The following DOK6 variants were observed in gnomAD, a reference collection of about 807,000 sequenced individuals.
DOK6 encodes downstream of tyrosine kinase 6.
In DOK6, 22 loss-of-function variants were observed where a neutral mutation model predicts 44.0. The ratio of observed to expected loss-of-function variants is 0.50; its 90% confidence interval spans 0.36 to 0.71. The LOEUF is 0.71. DOK6 is among the 30% of genes least tolerant of loss of function. The pLI is 0.00. For missense variants in DOK6, 340 were observed against 416.4 expected, an observed-to-expected ratio of 0.82 and a Z score of 1.60; for synonymous variants, 166 against 145.5, an observed-to-expected ratio of 1.14 and a Z score of -1.01.
At chr18:69,612,428 CGCATGTGTGCGAG>C (rs1568311240) in intron 3 of DOK6, among the ~76,000 whole-genome samples, 1,708 of 150,664 alleles carry the variant, frequency 0.011, 34 homozygotes, top group South Asian at 0.034. Flanking sequence ...TGTGCGAGGG[CGCATGTGTGCGAG>C]GGCGCATGTG....
chr18:69,779,689 C>CGTGTGTGTGT (rs58775349), intron 7 of DOK6, among the ~76,000 whole-genome samples: 21 of 146,874 alleles, frequency 1.4e-4, no homozygotes, highest in South Asian at 2.2e-4. Flanking sequence ...CTCTCTGCCC[C>CGTGTGTGTGT]GTGTGTGTGT....
At chr18:69,772,009 A>G (rs892694281) in intron 7 of DOK6, among the ~76,000 whole-genome samples, 2 of 89,856 alleles carry the variant, frequency 2.2e-5, no homozygotes, top group Admixed American at 1.0e-4. Context: ...AGACCTCAGT[A>G]AAAAAAAAAA....
intron 5 of DOK6, among the ~76,000 whole-genome samples, chr18:69,719,564 C>A (rs1986960602): frequency 6.6e-6 from 1 of 152,190 alleles, no homozygotes; most frequent in African/African-American, 2.4e-5. Flanking sequence ...ACTATGCCTG[C>A]ATCTTAGCAG....
intron 2 of DOK6, among the ~76,000 whole-genome samples, chr18:69,590,702 TGA>T (rs1379820235): frequency 2.6e-5 from 4 of 152,102 alleles, no homozygotes; most frequent in Non-Finnish European, 5.9e-5. Flanking sequence ...AATATTAGTC[TGA>T]AAACAGTGTG....
At chr18:69,606,925 A>G (rs1027192524) in intron 3 of DOK6, among the ~76,000 whole-genome samples, 1 of 152,146 alleles carries the variant, frequency 6.6e-6, no homozygotes, top group Non-Finnish European at 1.5e-5. Flanking sequence ...CTATCTATCT[A>G]AATTGTGTTA....
At chr18:69,591,987 G>A (rs781731876) in intron 2 of DOK6, among the ~76,000 whole-genome samples, 2 of 151,994 alleles carry the variant, frequency 1.3e-5, no homozygotes, top group African/African-American at 2.4e-5. Flanking sequence ...TATTAAGCCA[G>A]GTATTTGAGT....
chr18:69,709,391 T>C (rs2144713580), intron 5 of DOK6, among the ~76,000 whole-genome samples: 1 of 152,330 alleles, frequency 6.6e-6, no homozygotes, highest in East Asian at 1.9e-4. Context: ...TTAATTTTTT[T>C]CCCATTTTTT....
intron 1 of DOK6, among the ~76,000 whole-genome samples, chr18:69,509,417 C>G (rs1232109841): frequency 5.9e-5 from 9 of 151,988 alleles, no homozygotes; most frequent in Admixed American, 2.0e-4. Context: ...GCGGGCGGAT[C>G]ACGAGGTCAG....
chr18:69,507,027 T>C (rs183414469), intron 1 of DOK6, among the ~76,000 whole-genome samples: 21 of 152,202 alleles, frequency 1.4e-4, no homozygotes, highest in African/African-American at 4.3e-4. Context: ...TTTTGTGTTT[T>C]TTTGTTGTGT....
intron 7 of DOK6, among the ~76,000 whole-genome samples, chr18:69,781,728 A>C (rs912442760): frequency 1.1e-4 from 17 of 152,120 alleles, no homozygotes; most frequent in African/African-American, 4.1e-4. Context: ...ATCATTTACC[A>C]TTTTATGCAA....
At chr18:69,515,730 G>A (rs575557734) in intron 1 of DOK6, among the ~76,000 whole-genome samples, 1 of 152,298 alleles carries the variant, frequency 6.6e-6, no homozygotes, top group East Asian at 1.9e-4. Flanking sequence ...TATTTTAGTT[G>A]AGTAACTATT....
At chr18:69,633,336 T>G (rs1814228535) in intron 3 of DOK6, among the ~76,000 whole-genome samples, 1 of 152,198 alleles carries the variant, frequency 6.6e-6, no homozygotes, top group Non-Finnish European at 1.5e-5. Flanking sequence ...TCGAAGCTCA[T>G]ACATCTCATT....
intron 2 of DOK6, among the ~76,000 whole-genome samples, chr18:69,568,137 G>A (rs1983030595): frequency 6.6e-6 from 1 of 152,208 alleles, no homozygotes. Context: ...ATGTTCAACT[G>A]CAAAACTAAC....
chr18:69,768,948 G>GGTTTGCGTGTGT (rs1555669795), intron 7 of DOK6, among the ~76,000 whole-genome samples: 1 of 37,656 alleles, frequency 2.7e-5, no homozygotes, highest in African/African-American at 4.6e-5. Context: ...AGATTTGAAG[G>GGTTTGCGTGTGT]GTGTGCGTGT....
At chr18:69,427,857 A>C (rs1476750324) in intron 1 of DOK6, among the ~76,000 whole-genome samples, 1 of 151,236 alleles carries the variant, frequency 6.6e-6, no homozygotes, top group Non-Finnish European at 1.5e-5. Flanking sequence ...GGCTCACTGC[A>C]ACCTCAGCCT....
At chr18:69,807,480 T>A in intron 7 of DOK6, among the ~76,000 whole-genome samples, 1 of 151,854 alleles carries the variant, frequency 6.6e-6, no homozygotes, top group Non-Finnish European at 1.5e-5. Context: ...ATTAAAATTG[T>A]CAATCAAAAA....
At chr18:69,768,061 C>T (rs975074452) in intron 7 of DOK6, among the ~76,000 whole-genome samples, 7 of 151,996 alleles carry the variant, frequency 4.6e-5, no homozygotes, top group Non-Finnish European at 8.8e-5. Context: ...ATCAAGCTTC[C>T]CCTACTGAAT....
chr18:69,605,132 G>A (rs1983967384), intron 3 of DOK6, among the ~76,000 whole-genome samples: 2 of 146,502 alleles, frequency 1.4e-5, no homozygotes, highest in Admixed American at 1.4e-4. Flanking sequence ...GTGTGTTTCA[G>A]AATCAGCTGA....
intron 7 of DOK6, among the ~76,000 whole-genome samples, chr18:69,831,412 C>T (rs1235312076): frequency 6.6e-6 from 1 of 152,228 alleles, no homozygotes; most frequent in Admixed American, 6.5e-5. Flanking sequence ...CACCAGCTAT[C>T]TGGGCATTCT....
Sources: allele counts gnomAD v4.1 joint callset (sites outside exome capture counted in the v4.1 genomes callset), GRCh38; gene constraint gnomAD v4.1.1; transcripts MANE v1.5; gene names NCBI Gene and HGNC (gene_info 2026-07-23, HGNC 2026-07-21).